Variants in COG5 observed in about 807,000 individuals in gnomAD.
COG5 encodes component of oligomeric golgi complex 5.
Under a neutral mutation model 110.4 loss-of-function variants are expected in COG5, and 86 were observed. That is an observed-to-expected ratio of 0.78 (90% CI 0.65 to 0.93). COG5 has a LOEUF of 0.93. Ranked by LOEUF, COG5 falls within the 40% of genes least tolerant of loss-of-function variation. The probability of loss-of-function intolerance (pLI) is 0.00; values close to 1 mark genes in which losing one functional copy is unlikely to be tolerated. For synonymous variants in COG5, 360 were observed against 334.6 expected (o/e 1.08, Z -0.83); for missense variants, 1,077 against 987.0 (o/e 1.09, Z -1.22).
intron 3 of COG5, 52 bp from the exon 4 acceptor site, chr7:107,548,384 TG>T: frequency 6.7e-7 from 1 of 1,500,356 alleles, no homozygotes; most frequent in East Asian, 2.3e-5. Context: ...GGCATCCAAC[TG>T]GGTAAATAGT....
intron 6 of COG5, chr7:107,470,581 CT>C (rs1413654612): frequency 6.6e-6 from 1 of 152,068 alleles, no homozygotes; most frequent in Non-Finnish European, 1.5e-5. Flanking sequence ...ATTTTAAGAT[CT>C]ATTTCTTTTA....
At chr7:107,542,736 G>A (rs752856468) in intron 5 of COG5, among the ~76,000 whole-genome samples, 3 of 152,052 alleles carry the variant, frequency 2.0e-5, no homozygotes, top group African/African-American at 4.8e-5. Context: ...TTGGGAGGCC[G>A]AGGCAGGTGG....
intron 6 of COG5, among the ~76,000 whole-genome samples, chr7:107,499,717 T>G (rs1798516744): frequency 6.6e-6 from 1 of 152,076 alleles, no homozygotes; most frequent in South Asian, 2.1e-4. Flanking sequence ...ATTTTTAAAA[T>G]GAGATGACAG....
intron 1 of COG5, among the ~76,000 whole-genome samples, chr7:107,563,101 A>ACAATTCGGAT (rs1804030401): frequency 6.6e-6 from 1 of 152,228 alleles, no homozygotes; most frequent in Non-Finnish European, 1.5e-5. Flanking sequence ...GATTCGGGAC[A>ACAATTCGGAT]TGGTAACTGG....
chr7:107,252,176 G>A (rs895343797), intron 16 of COG5, among the ~76,000 whole-genome samples: 8 of 152,052 alleles, frequency 5.3e-5, no homozygotes, highest in Non-Finnish European at 1.0e-4. Context: ...CGCCATAATC[G>A]TGCCAGTGAA....
chr7:107,406,717 T>G (rs970747240), intron 7 of COG5, among the ~76,000 whole-genome samples: 5 of 152,184 alleles, frequency 3.3e-5, no homozygotes, highest in Non-Finnish European at 5.9e-5. Flanking sequence ...GATAATATTT[T>G]GGTTTCAAAA....
intron 6 of COG5, among the ~76,000 whole-genome samples, chr7:107,445,782 G>A (rs755485735): frequency 1.3e-5 from 2 of 152,186 alleles, no homozygotes; most frequent in Non-Finnish European, 2.9e-5. Context: ...ATTCACTCAT[G>A]CACTCATCCA....
At chr7:107,526,443 G>C (rs1800752610) in intron 6 of COG5, among the ~76,000 whole-genome samples, 1 of 152,198 alleles carries the variant, frequency 6.6e-6, no homozygotes, top group Admixed American at 6.5e-5. Flanking sequence ...ACTCTTGACT[G>C]TCAAGGTCCT....
chr7:107,472,142 C>T (rs1039753855), intron 6 of COG5: 8 of 151,876 alleles, frequency 5.3e-5, no homozygotes, highest in African/African-American at 9.7e-5. Context: ...TCCTCTTGGC[C>T]GTGACTTTTT....
At chr7:107,464,786 A>G (rs78434370) in intron 6 of COG5, among the ~76,000 whole-genome samples, 1 of 152,242 alleles carries the variant, frequency 6.6e-6, no homozygotes, top group East Asian at 1.9e-4. Flanking sequence ...ATATCAGTGA[A>G]AATTCACCTT....
At chr7:107,213,609 T>G (rs1302158282) in intron 19 of COG5, among the ~76,000 whole-genome samples, 1 of 152,178 alleles carries the variant, frequency 6.6e-6, no homozygotes, top group Non-Finnish European at 1.5e-5. Flanking sequence ...GGCCAGCCAG[T>G]AGTCTTGCTG....
intron 5 of COG5, among the ~76,000 whole-genome samples, chr7:107,531,525 A>T (rs1801198904): frequency 6.6e-6 from 1 of 151,984 alleles, no homozygotes; most frequent in African/African-American, 2.4e-5. Flanking sequence ...TTTACCTAGG[A>T]GTATTGTTCA....
At chr7:107,372,235 C>T (rs1377242131) in intron 8 of COG5, among the ~76,000 whole-genome samples, 2 of 152,126 alleles carry the variant, frequency 1.3e-5, no homozygotes, top group East Asian at 1.9e-4. Flanking sequence ...GTAGAGACGG[C>T]ATTCCTTAAA....
intron 5 of COG5, 78 bp downstream of exon 5, chr7:107,548,033 A>T: frequency 8.3e-7 from 1 of 1,205,654 alleles, no homozygotes; most frequent in Non-Finnish European, 1.2e-6. Flanking sequence ...CTTCTTCCAA[A>T]CTCATACTCT....
At chr7:107,321,522 G>A (rs1809279660) in intron 11 of COG5, among the ~76,000 whole-genome samples, 1 of 152,102 alleles carries the variant, frequency 6.6e-6, no homozygotes, top group Non-Finnish European at 1.5e-5. Context: ...GAACAAAATA[G>A]GAGGACTTTG....
chr7:107,494,418 T>C (rs1037284149), intron 6 of COG5, among the ~76,000 whole-genome samples: 1 of 152,210 alleles, frequency 6.6e-6, no homozygotes, highest in African/African-American at 2.4e-5. Context: ...AAGATTATAA[T>C]GGAGCTGAGA....
At chr7:107,209,617 T>A (rs1044519274) in intron 21 of COG5, 18 of 163,660 alleles carry the variant, frequency 1.1e-4, no homozygotes, top group Non-Finnish European at 1.9e-4. Context: ...TAGAAGAAGA[T>A]AATTCAGCAA....
Position 107,496,435 on chromosome 7 carries a change from G to T in COG5, c.538+30802C>A, listed in dbSNP as rs182656875. ...GCACTTTGGGAGGCTAAGGCAGGTA[G>T]ATCACTTGAGGTCAGCAGTTGGAGA... On this transcript the variant is annotated intron_variant, in intron 6 of 21. Coordinates refer to ENST00000297135, the MANE Select transcript of COG5 (RefSeq NM_006348.5). Among the ~76,000 whole-genome samples the T allele has an allele frequency of 2.8e-4, 43 of 152,204 alleles. No individual in the cohort carries two copies. The East Asian group carries it at 7.9e-3, about 28-fold the overall frequency.
intron 14 of COG5, chr7:107,258,661 C>A (rs1159865477): frequency 2.3e-6 from 1 of 442,752 alleles, no homozygotes; most frequent in East Asian, 4.0e-5. Context: ...TACTTCACAG[C>A]TGATGGACTC....
Sources: allele counts gnomAD v4.1 joint callset (sites outside exome capture counted in the v4.1 genomes callset), GRCh38; gene constraint gnomAD v4.1.1; transcripts MANE v1.5; gene names NCBI Gene and HGNC (gene_info 2026-07-23, HGNC 2026-07-21).